The following MAGI1 variants were observed in gnomAD, a reference collection of about 807,000 sequenced individuals.
MAGI1 encodes membrane associated guanylate kinase, WW and PDZ domain containing 1.
A neutral mutation model predicts 139.9 loss-of-function variants in MAGI1; 58 were observed. That is an observed-to-expected ratio of 0.41 (90% confidence interval 0.34 to 0.52). The LOEUF (loss-of-function observed/expected upper bound fraction) is 0.52, where lower values mean the gene tolerates loss of function less well. Ranked by LOEUF, MAGI1 falls within the 20% of genes least tolerant of loss-of-function variation. The pLI, the probability that MAGI1 is intolerant of heterozygous loss-of-function variation, is 0.12. For synonymous variants in MAGI1, 812 were observed against 737.9 expected (o/e 1.10, Z -1.63); for missense variants, 1,874 against 1,901.6 (o/e 0.99, Z 0.27).
At chr3:65,823,078 G>A (rs1196584247) in intron 1 of MAGI1, among the ~76,000 whole-genome samples, 2 of 152,086 alleles carry the variant, frequency 1.3e-5, no homozygotes, top group Non-Finnish European at 2.9e-5. Flanking sequence ...GACAACTAAG[G>A]TATTACAGCT....
intron 1 of MAGI1, among the ~76,000 whole-genome samples, chr3:65,696,764 T>G (rs17073462): frequency 0.02 from 3,082 of 152,130 alleles, 98 homozygotes; most frequent in African/African-American, 0.07. Context: ...GAAACAAGAA[T>G]AGGGGAAAAG....
chr3:65,999,527 T>C (rs958835988), intron 1 of MAGI1, among the ~76,000 whole-genome samples: 1 of 152,188 alleles, frequency 6.6e-6, no homozygotes, highest in Non-Finnish European at 1.5e-5. Flanking sequence ...TCAGGCCTTA[T>C]GGCAAATATA....
At chr3:65,781,211 A>C (rs1270276006) in intron 1 of MAGI1, among the ~76,000 whole-genome samples, 1 of 152,078 alleles carries the variant, frequency 6.6e-6, no homozygotes, top group Non-Finnish European at 1.5e-5. Context: ...AAAAAAGAAC[A>C]AAATTTAAAA....
chr3:65,708,567 G>A (rs2030796095), intron 1 of MAGI1, among the ~76,000 whole-genome samples: 2 of 152,140 alleles, frequency 1.3e-5, no homozygotes. Context: ...AAGGCTTGGG[G>A]GCAGTCAGGT....
intron 7 of MAGI1, among the ~76,000 whole-genome samples, chr3:65,443,318 G>C (rs773218481): frequency 6.6e-6 from 1 of 152,124 alleles, no homozygotes; most frequent in African/African-American, 2.4e-5. Context: ...TCTTCTCCTT[G>C]TTCCTAATGA....
chr3:65,737,215 C>T (rs1336604781), intron 1 of MAGI1, among the ~76,000 whole-genome samples: 2 of 152,108 alleles, frequency 1.3e-5, no homozygotes, highest in Non-Finnish European at 2.9e-5. Context: ...GTGTTATAGC[C>T]AGGATGGTCT....
intron 1 of MAGI1, among the ~76,000 whole-genome samples, chr3:65,627,044 T>C (rs546503490): frequency 1.8e-4 from 28 of 152,346 alleles, no homozygotes; most frequent in Admixed American, 7.2e-4. Context: ...ATACACTGTA[T>C]AGCAAAGTTC....
chr3:65,656,475 G>A, intron 1 of MAGI1, among the ~76,000 whole-genome samples: 1 of 152,260 alleles, frequency 6.6e-6, no homozygotes, highest in South Asian at 2.1e-4. Context: ...CATGTTTTAG[G>A]TGCTTTTCAA....
chr3:65,881,363 ACACC>A (rs67970847), intron 1 of MAGI1, among the ~76,000 whole-genome samples: 2,857 of 152,298 alleles, frequency 0.019, 38 homozygotes, highest in Non-Finnish European at 0.03. Flanking sequence ...GCAGTGGCTC[ACACC>A]TGTAATCCCA....
chr3:65,360,485 G>A, intron 22 of MAGI1: 1 of 984,608 alleles, frequency 1.0e-6, no homozygotes, highest in Non-Finnish European at 1.2e-6. Context: ...CAAGTCTAAA[G>A]ATATGACAAA....
At chr3:65,552,291 C>T (rs900128525) in intron 2 of MAGI1, among the ~76,000 whole-genome samples, 1 of 142,996 alleles carries the variant, frequency 7.0e-6, no homozygotes. Flanking sequence ...TGTGTGTGTC[C>T]CCATTCCAAT....
At chr3:65,649,033 C>T (rs1380766971) in intron 1 of MAGI1, among the ~76,000 whole-genome samples, 1 of 152,120 alleles carries the variant, frequency 6.6e-6, no homozygotes, top group Non-Finnish European at 1.5e-5. Context: ...ACTTAAACCT[C>T]ATATCTTACA....
intron 1 of MAGI1, among the ~76,000 whole-genome samples, chr3:65,657,225 G>A (rs2085929060): frequency 6.6e-6 from 1 of 151,966 alleles, no homozygotes; most frequent in South Asian, 2.1e-4. Flanking sequence ...CTTACCCAAG[G>A]AGATACAATA....
At chr3:65,604,353 T>C (rs985333203) in intron 2 of MAGI1, among the ~76,000 whole-genome samples, 2 of 152,118 alleles carry the variant, frequency 1.3e-5, no homozygotes, top group African/African-American at 2.4e-5. Context: ...TATATTGATA[T>C]TAATATATAA....
At chr3:65,814,731 A>G (rs1476932940) in intron 1 of MAGI1, among the ~76,000 whole-genome samples, 1 of 152,208 alleles carries the variant, frequency 6.6e-6, no homozygotes, top group African/African-American at 2.4e-5. Context: ...GAACTCTTTT[A>G]TAAAGAAAAA....
intron 12 of MAGI1, among the ~76,000 whole-genome samples, chr3:65,409,567 A>T (rs1167307237): frequency 3.9e-5 from 6 of 152,156 alleles, no homozygotes; most frequent in Non-Finnish European, 7.3e-5. Context: ...CTTTATAAAC[A>T]CTATATATCA....
chr3:65,383,700 C>T lies in MAGI1; in HGVS notation c.2417-77G>A, dbSNP rs1943234363. 7.8e-6 allele frequency: 7 copies of T among 897,068 alleles called. No homozygotes were observed. The South Asian group carries it at 8.0e-5, about 10-fold the overall frequency. 55.6% of individuals were successfully genotyped at this position (897,068 alleles called of 1,614,324 possible). The stretch of plus-strand genomic sequence containing the variant: ...GATACCCCCAAGATGAACACAGTTG[C>T]AGGACAAGAATGGTGGTGCTTGATC... On this transcript the variant is annotated intron_variant, in intron 14 of 22. Transcript: ENST00000402939.
intron 1 of MAGI1, among the ~76,000 whole-genome samples, chr3:65,789,789 A>G (rs555430003): frequency 6.6e-6 from 1 of 152,110 alleles, no homozygotes; most frequent in East Asian, 1.9e-4. Context: ...CTAGAAAAAA[A>G]CAAAACAAAA....
At position 65,763,752 on chromosome 3, in the gene MAGI1, TA is replaced by T. The variant is rs36104465; in HGVS notation, c.314-141665del. On this transcript the variant is annotated intron_variant, in intron 1 of 22. Transcript: ENST00000402939. ...ATATTTCATATCGCACAAGTGCTTT[TA>T]AAAAAAAAAAAGAAATAAATAAAAG... is the stretch of plus-strand genomic sequence containing the variant. Among the ~76,000 whole-genome samples, 1,160 of 143,132 alleles carry T rather than the reference TA, an allele frequency of 8.1e-3. 4 individuals are homozygous for T. The highest frequency in any genetic ancestry group is 0.015 in the African/African-American group (588 of 39,268). The allele number at this position is 143,132 out of a possible 152,430, so 93.9% of individuals were successfully genotyped here. A position where few individuals can be genotyped will look rare whatever the true frequency, so the allele number is the denominator to read the frequency against.
Sources: gnomAD v4.1 joint callset for allele counts (sites outside exome capture counted in the v4.1 genomes callset) on GRCh38, gnomAD v4.1.1 for gene constraint, MANE v1.5 for transcripts, NCBI Gene and HGNC (gene_info 2026-07-23, HGNC 2026-07-21) for gene names.